LGSN: variants seen among roughly 807,000 people sequenced by gnomAD.
The protein encoded by LGSN is lengsin, lens protein with glutamine synthetase domain.
LGSN carries 21 observed loss-of-function variants against 19.5 expected under a neutral mutation model. The observed-to-expected ratio is 1.07, with a 90% CI of 0.76 to 1.55. LGSN has a LOEUF of 1.55. LGSN is among the 40% of genes most tolerant of loss of function. The pLI is 0.00. For missense variants in LGSN, 673 were observed against 608.5 expected (o/e 1.11, Z -1.12); for synonymous variants, 257 against 215.6 (o/e 1.19, Z -1.68).
the LGSN span, among the ~76,000 whole-genome samples, chr6:63,515,062 G>T: frequency 6.6e-6 from 1 of 152,042 alleles, no homozygotes; most frequent in African/African-American, 2.4e-5. Context: ...GAGTACAGTG[G>T]CATGATCATA....
the LGSN span, among the ~76,000 whole-genome samples, chr6:63,501,362 C>CAAAAAA: frequency 7.5e-6 from 1 of 133,928 alleles, no homozygotes; most frequent in South Asian, 2.4e-4. Context: ...AACTTCGTCT[C>CAAAAAA]AAAAAAAAAA....
intron 3 of LGSN, 29 bp downstream of exon 3, chr6:63,285,558 A>T (rs1473755601): frequency 1.9e-6 from 3 of 1,559,538 alleles, no homozygotes; most frequent in Non-Finnish European, 2.6e-6. Flanking sequence ...TCATGAAATT[A>T]CATTTAGTCA....
At position 63,280,549 on chromosome 6, in the gene LGSN, A is replaced by C; in HGVS notation, c.1002T>G (p.Thr334=). 1 of 1,614,136 alleles carries C rather than the reference A, an allele frequency of 6.2e-7. No individual in the cohort carries two copies. The highest frequency in any genetic ancestry group is 8.5e-7 in the Non-Finnish European group (1 of 1,180,036). Residue 334 remains threonine, a synonymous_variant, in exon 4 of 4, where the codon ACT becomes ACG. Transcript: ENST00000370657. ...KKNMFCSTSG[T]EQLTITGKKW... is the part of the protein sequence containing the mutation. ...TTTTCCCAGTGATCGTGAGCTGCTC[A>C]GTTCCAGAAGTGCTGCAGAACATGT...
At chr6:63,521,248 A>G in the LGSN span, among the ~76,000 whole-genome samples, 1 of 152,116 alleles carries the variant, frequency 6.6e-6, no homozygotes, top group African/African-American at 2.4e-5. Context: ...AAAAAATAAA[A>G]CTGAGCAAGA....
the LGSN span, among the ~76,000 whole-genome samples, chr6:63,336,918 CTTTCT>C: frequency 7.0e-6 from 1 of 143,108 alleles, no homozygotes; most frequent in Non-Finnish European, 1.5e-5. Context: ...TATGACATTC[CTTTCT>C]TTTCTTTTCT....
chr6:63,298,972 C>G (rs1562012661), intron 1 of LGSN, among the ~76,000 whole-genome samples: 1 of 152,050 alleles, frequency 6.6e-6, no homozygotes, highest in Non-Finnish European at 1.5e-5. Context: ...CTATCCTGCC[C>G]CAAAGATAAA....
chr6:63,559,955 C>A, the LGSN span, among the ~76,000 whole-genome samples: 2 of 151,996 alleles, frequency 1.3e-5, no homozygotes, highest in Non-Finnish European at 2.9e-5. Flanking sequence ...ACAACAGCAA[C>A]CCAGGATGGA....
the LGSN span, among the ~76,000 whole-genome samples, chr6:63,383,118 G>C: frequency 1.3e-5 from 2 of 151,796 alleles, no homozygotes; most frequent in Non-Finnish European, 2.9e-5. Flanking sequence ...AGATTTATTT[G>C]TTTGTTTGTT....
the LGSN span, among the ~76,000 whole-genome samples, chr6:63,410,305 G>A: frequency 6.6e-6 from 1 of 152,002 alleles, no homozygotes; most frequent in African/African-American, 2.4e-5. Context: ...GTACATATTA[G>A]TCAAAATGTT....
At chr6:63,412,513 A>AGAAAGAAAGAAGGAAG in the LGSN span, among the ~76,000 whole-genome samples, 2 of 113,902 alleles carry the variant, frequency 1.8e-5, no homozygotes, top group East Asian at 2.6e-4. Flanking sequence ...AAAGAAAGAA[A>AGAAAGAAAGAAGGAAG]GAAAGAAAGA....
chr6:63,404,745 A>G, the LGSN span, among the ~76,000 whole-genome samples: 2 of 152,122 alleles, frequency 1.3e-5, no homozygotes, highest in South Asian at 4.1e-4. Context: ...TTTATGGGGG[A>G]GACATAAACA....
the LGSN span, among the ~76,000 whole-genome samples, chr6:63,333,619 G>A: frequency 6.0e-5 from 8 of 133,454 alleles, no homozygotes; most frequent in African/African-American, 2.7e-4. Flanking sequence ...AGGGAGGGAG[G>A]GAGGCAAAAA....
chr6:63,539,696 G>A, the LGSN span, among the ~76,000 whole-genome samples: 1 of 152,184 alleles, frequency 6.6e-6, no homozygotes, highest in South Asian at 2.1e-4. Context: ...TTGAACCCGG[G>A]AGAGGGAGGT....
chr6:63,571,155 T>G, the LGSN span: 2 of 152,158 alleles, frequency 1.3e-5, no homozygotes. Flanking sequence ...TGGCCCAGGA[T>G]TTTGTTTGTT....
the LGSN span, among the ~76,000 whole-genome samples, chr6:63,508,661 A>G: frequency 6.6e-6 from 1 of 152,282 alleles, no homozygotes; most frequent in East Asian, 1.9e-4. Context: ...TCACGCCTAT[A>G]ATCCCAGCAT....
At chr6:63,434,360 A>G in the LGSN span, among the ~76,000 whole-genome samples, 1 of 151,192 alleles carries the variant, frequency 6.6e-6, no homozygotes, top group African/African-American at 2.4e-5. Flanking sequence ...GACTTACTTG[A>G]ACCCAGGAGG....
chr6:63,520,228 C>G, the LGSN span, among the ~76,000 whole-genome samples: 8 of 152,308 alleles, frequency 5.3e-5, no homozygotes, highest in African/African-American at 1.9e-4. Flanking sequence ...TCCCATTAGA[C>G]ATTTATGTGA....
the LGSN span, among the ~76,000 whole-genome samples, chr6:63,536,555 C>A: frequency 1.3e-5 from 2 of 152,060 alleles, no homozygotes; most frequent in African/African-American, 4.8e-5. Context: ...AACAAATCAC[C>A]ACTTATATTT....
chr6:63,361,012 T>C, the LGSN span, among the ~76,000 whole-genome samples: 1 of 152,340 alleles, frequency 6.6e-6, no homozygotes, highest in East Asian at 1.9e-4. Flanking sequence ...ATCGTTCCTC[T>C]GGAAGTTTTG....
Sources: allele counts gnomAD v4.1 joint callset (sites outside exome capture counted in the v4.1 genomes callset), GRCh38; gene constraint gnomAD v4.1.1; transcripts MANE v1.5; gene names NCBI Gene and HGNC (gene_info 2026-07-23, HGNC 2026-07-21).